RPS23: variants seen among roughly 807,000 people sequenced by gnomAD.
RPS23 encodes the protein ribosomal protein S23.
For synonymous variants in RPS23, 66 were observed against 60.4 expected (o/e 1.09, Z -0.43); for missense variants, 73 against 174.5 (o/e 0.42, Z 3.28).
rs758135308 is a variant in RPS23, at chr5:82,278,324, C to G, written c.-1G>C. Reference sequence around the variant, plus strand: ...AAACCGGCCACAACAGCTCACCCATCCTGTCGGCGCCACGGGCCTGAGCGA... The same window carrying G: ...AAACCGGCCACAACAGCTCACCCATGCTGTCGGCGCCACGGGCCTGAGCGA... On this transcript the variant is annotated 5_prime_UTR_variant, in exon 1 of 4. Transcript: ENST00000296674. 8 of 1,609,958 alleles carry G rather than the reference C, an allele frequency of 5.0e-6. No homozygotes were observed. The highest frequency in any genetic ancestry group is 3.4e-5 in the Admixed American group (2 of 59,684).
rs1747706870 is a variant in RPS23, at chr5:82,273,546, G to A, written c.*2563C>T. ...TTCACAATTTTTTTATACAATGCTT[G>A]GAATCTACGGATAACATCAGGTTCT... On this transcript the variant is annotated 3_prime_UTR_variant, in exon 4 of 4. Transcript: ENST00000296674. The A allele has an allele frequency of 6.7e-6, 1 of 149,048 alleles. No homozygotes were observed. Among genetic ancestry groups the A allele is most frequent in the East Asian group, 1.9e-4 (1 of 5,198 alleles). The allele number at this position is 149,048 out of a possible 1,614,324, so 9.2% of individuals were successfully genotyped here.
Position 82,275,751 on chromosome 5 carries a change from A to T in RPS23, c.*358T>A. On this transcript the variant is annotated 3_prime_UTR_variant, in exon 4 of 4. Transcript: ENST00000296674. ...CCCGATATGGAAAATACCAAGAATA[A>T]AAAAGAAAGTATCTCACTAGAATTT... is the stretch of plus-strand genomic sequence containing the variant. 3.9e-6 allele frequency: 1 copy of T among 254,604 alleles called. No individual in the cohort carries two copies. The highest frequency in any genetic ancestry group is 7.4e-6 in the Non-Finnish European group (1 of 135,196). The allele number at this position is 254,604 out of a possible 1,614,324, so 15.8% of individuals were successfully genotyped here.
chr5:82,278,225 G>T, intron 1 of RPS23, 95 bp downstream of exon 1: 27 of 893,392 alleles, frequency 3.0e-5, no homozygotes, highest in African/African-American at 5.0e-5. Flanking sequence ...GCCTCTCCAT[G>T]GCATCCCCCG....
chr5:82,276,608 CTA>C, intron 2 of RPS23, 90 bp from the exon 3 acceptor site: 4 of 1,516,194 alleles, frequency 2.6e-6, no homozygotes, highest in Non-Finnish European at 3.6e-6. Flanking sequence ...GAAACTGTTT[CTA>C]TCTTTTCAAT....
At position 82,278,348 on chromosome 5, in the gene RPS23, GAA is replaced by G. The variant is rs1375469140; in HGVS notation, c.-27_-26del. 6 of 1,606,544 alleles carry G rather than the reference GAA, an allele frequency of 3.7e-6. No homozygotes were observed. Among genetic ancestry groups the G allele is most frequent in the Non-Finnish European group, 4.2e-6 (5 of 1,177,212 alleles). ...TCCTGTCGGCGCCACGGGCCTGAGC[GAA>G]AGAGAGAAGCACCGCAGGAAGGAGC... On this transcript the variant is annotated 5_prime_UTR_variant, in exon 1 of 4. Coordinates refer to ENST00000296674, the MANE Select transcript of RPS23 (RefSeq NM_001025.5).
At position 82,274,964 on chromosome 5, in the gene RPS23, T is replaced by A. The variant is rs1206629015; in HGVS notation, c.*1145A>T. The A allele has an allele frequency of 6.3e-6, 3 of 475,420 alleles. No homozygotes were observed. The highest frequency in any genetic ancestry group is 3.5e-5 in the Admixed American group (1 of 28,308). 29.5% of individuals were successfully genotyped at this position (475,420 alleles called of 1,614,324 possible). A position where few individuals can be genotyped will look rare whatever the true frequency, so the allele number is the denominator to read the frequency against. On this transcript the variant is annotated 3_prime_UTR_variant, in exon 4 of 4. Transcript: ENST00000296674. ...GGAACAGAGGTCCTGAGGCTGGATA[T>A]GGAACCCAAGTTTGAGGATGACCAA...
Position 82,277,784 on chromosome 5 carries a change from T to C in RPS23, c.73A>G (p.Lys25Glu), listed in dbSNP as rs759051829. The change falls in exon 2 of 4, where the codon AAA (lysine) becomes GAA (glutamate). Residue 25 changes from lysine to glutamate, a missense_variant. Transcript: ENST00000296674. ...CCCAAATGAGCTTTCTTATACTGTT[T>C]ATCATGCCACTTCTGGTCTCGTCGG... ...SHRRDQKWHD[K>E]QYKKAHLGTA... 1 of 1,613,954 alleles carries C rather than the reference T, an allele frequency of 6.2e-7. No homozygotes were observed. The highest frequency in any genetic ancestry group is 1.3e-5 in the African/African-American group (1 of 75,054).
chr5:82,274,929 C>G lies in RPS23; in HGVS notation c.*1180G>C. Reference sequence around the variant, plus strand: ...TAAGAGCAGGCGACATGCAAGGAACCATAGTAACAGGAACAGAGGTCCTGA... The same window carrying G: ...TAAGAGCAGGCGACATGCAAGGAACGATAGTAACAGGAACAGAGGTCCTGA... On this transcript the variant is annotated 3_prime_UTR_variant, in exon 4 of 4. Coordinates refer to ENST00000296674, the MANE Select transcript of RPS23 (RefSeq NM_001025.5). The G allele has an allele frequency of 2.6e-6, 1 of 390,320 alleles. No individual in the cohort carries two copies. 24.2% of individuals were successfully genotyped at this position (390,320 alleles called of 1,614,324 possible). A position where few individuals can be genotyped will look rare whatever the true frequency, so the allele number is the denominator to read the frequency against.
chr5:82,278,204 TC>T, intron 1 of RPS23, 115 bp downstream of exon 1: 1 of 570,280 alleles, frequency 1.8e-6, no homozygotes, highest in Non-Finnish European at 3.0e-6. Flanking sequence ...TCCCCGGCCC[TC>T]CCCCATGGAG....
At position 82,275,222 on chromosome 5, in the gene RPS23, G is replaced by A. The variant is rs1390646166; in HGVS notation, c.*887C>T. 2.8e-6 allele frequency: 2 copies of A among 702,562 alleles called. No individual in the cohort carries two copies. Among genetic ancestry groups the A allele is most frequent in the South Asian group, 1.5e-5 (1 of 67,598 alleles). The allele number at this position is 702,562 out of a possible 1,614,324, so 43.5% of individuals were successfully genotyped here. A position where few individuals can be genotyped will look rare whatever the true frequency, so the allele number is the denominator to read the frequency against. On this transcript the variant is annotated 3_prime_UTR_variant, in exon 4 of 4. Coordinates refer to ENST00000296674, the MANE Select transcript of RPS23 (RefSeq NM_001025.5). ...ACCCATACTTACTATTTGTTAACAG[G>A]AGTTTCTTACATCAGATTTAAAGCA...
In RPS23 at chr5:82,276,243, C is replaced by G; in HGVS notation, c.298G>C (p.Val100Leu). ...CLNFIEENDEVLVAGFGRKGH... is the reference protein window; with the variant it reads ...CLNFIEENDELLVAGFGRKGH... ...TTGCGACCAAATCCAGCAACCAGAA[C>G]TTCATCATTTTCCTGGAATAAAATA... is the stretch of plus-strand genomic sequence containing the variant. Residue 100 changes from valine to leucine, a missense_variant, in exon 4 of 4, where the codon GTT becomes CTT. Coordinates refer to ENST00000296674, the MANE Select transcript of RPS23 (RefSeq NM_001025.5). 6.2e-7 allele frequency: 1 copy of G among 1,613,406 alleles called. No individual in the cohort carries two copies. Among genetic ancestry groups the G allele is most frequent in the Non-Finnish European group, 8.5e-7 (1 of 1,179,750 alleles).
intron 2 of RPS23, chr5:82,277,449 A>C: frequency 1.9e-6 from 1 of 520,066 alleles, no homozygotes; most frequent in Non-Finnish European, 3.4e-6. Flanking sequence ...CCTTTACTTC[A>C]TCATTGCTAG....
intron 3 of RPS23, 62 bp from the exon 4 acceptor site, chr5:82,276,317 G>C (rs762814163): frequency 6.2e-7 from 1 of 1,612,408 alleles, no homozygotes; most frequent in South Asian, 1.1e-5. Flanking sequence ...ACTTTCATGT[G>C]AGGAAACTCC....
chr5:82,274,861 A>AGAGATAAACC lies in RPS23; in HGVS notation c.*1238_*1247dup, dbSNP rs1228874219. The AGAGATAAACC allele has an allele frequency of 3.8e-5, 9 of 238,560 alleles. No homozygotes were observed. The East Asian group carries it at 9.2e-4, about 24-fold the overall frequency. The allele number at this position is 238,560 out of a possible 1,614,324, so 14.8% of individuals were successfully genotyped here. On this transcript the variant is annotated 3_prime_UTR_variant, in exon 4 of 4. Transcript: ENST00000296674. ...GAGGGAGAGACTAGCATCATCATCA[A>AGAGATAAACC]GAGATAAACCGAAGTGTGCTGGAAA...
At position 82,278,233 on chromosome 5, in the gene RPS23, C is replaced by A; in HGVS notation, c.4+87G>T. 3 of 1,407,906 alleles carry A rather than the reference C, an allele frequency of 2.1e-6. No individual in the cohort carries two copies. In the East Asian group the frequency reaches 7.4e-5, roughly 35 times the overall value. The allele number at this position is 1,407,906 out of a possible 1,614,324, so 87.2% of individuals were successfully genotyped here. On this transcript the variant is annotated intron_variant, in intron 1 of 3. Coordinates refer to ENST00000296674, the MANE Select transcript of RPS23 (RefSeq NM_001025.5). The stretch of plus-strand genomic sequence containing the variant: ...CCATGGAGCCTCTCCATGGCATCCC[C>A]CGCCCTACTCTATTCGCATCCGCCC...
At position 82,275,713 on chromosome 5, in the gene RPS23, C is replaced by T. The variant is rs1213026532; in HGVS notation, c.*396G>A. ...ATCTATGTGCAATGAAATTTGGTAA[C>T]TGAAGTGTTGCACCCGATATGGAAA... On this transcript the variant is annotated 3_prime_UTR_variant, in exon 4 of 4. Transcript: ENST00000296674. The T allele has an allele frequency of 1.2e-5, 3 of 246,182 alleles. No individual in the cohort carries two copies. Among genetic ancestry groups the T allele is most frequent in the African/African-American group, 2.2e-5 (1 of 44,466 alleles). The allele number at this position is 246,182 out of a possible 1,614,324, so 15.2% of individuals were successfully genotyped here. A position where few individuals can be genotyped will look rare whatever the true frequency, so the allele number is the denominator to read the frequency against.
In RPS23 at chr5:82,277,488, G is replaced by A. The variant is rs186897744; in HGVS notation, c.164+205C>T. On this transcript the variant is annotated intron_variant, in intron 2 of 3. Transcript: ENST00000296674. ...CTTCTCCAATTCCTTCCAGGCCAAC[G>A]TTAAATTAAAACCTTAACTACCTAA... is the stretch of plus-strand genomic sequence containing the variant. 55 of 593,464 alleles carry A rather than the reference G, an allele frequency of 9.3e-5. 1 individual carries two copies. In the East Asian group the frequency reaches 1.3e-3, roughly 14 times the overall value. The allele number at this position is 593,464 out of a possible 1,614,324, so 36.8% of individuals were successfully genotyped here. A position where few individuals can be genotyped will look rare whatever the true frequency, so the allele number is the denominator to read the frequency against.
chr5:82,276,708 C>T (rs1373134601), intron 2 of RPS23, 190 bp from the exon 3 acceptor site: 1 of 680,652 alleles, frequency 1.5e-6, no homozygotes, highest in African/African-American at 1.8e-5. Context: ...GGGGAAATTT[C>T]TAGACCTTTT....
chr5:82,278,339 G>T lies in RPS23; in HGVS notation c.-16C>A. On this transcript the variant is annotated 5_prime_UTR_variant, in exon 1 of 4. Coordinates refer to ENST00000296674, the MANE Select transcript of RPS23 (RefSeq NM_001025.5). ...GCTCACCCATCCTGTCGGCGCCACG[G>T]GCCTGAGCGAAAGAGAGAAGCACCG... The T allele has an allele frequency of 6.2e-7, 1 of 1,608,452 alleles. No homozygotes were observed. The highest frequency in any genetic ancestry group is 8.5e-7 in the Non-Finnish European group (1 of 1,177,894).
Sources: allele counts gnomAD v4.1 joint callset, GRCh38; gene constraint gnomAD v4.1.1; transcripts MANE v1.5; gene names NCBI Gene and HGNC (gene_info 2026-07-23, HGNC 2026-07-21).